RASSF5: variants seen among roughly 807,000 people sequenced by gnomAD.
RASSF5 encodes ras association domain-containing protein 5.
In RASSF5, 25 loss-of-function variants were observed where a neutral mutation model predicts 40.5. The observed-to-expected ratio is 0.62, with a 90% CI of 0.45 to 0.86. The LOEUF is 0.86. RASSF5 is among the 40% of genes least tolerant of loss of function. RASSF5 has a pLI of 0.00. For missense variants in RASSF5, 521 were observed against 572.8 expected (o/e 0.91, Z 0.92); for synonymous variants, 246 against 252.4 (o/e 0.97, Z 0.24).
intron 2 of RASSF5, chr1:206,581,021 C>G (rs1435738379): frequency 6.6e-6 from 1 of 152,200 alleles, no homozygotes; most frequent in African/African-American, 2.4e-5. Context: ...GCCCCTTCAG[C>G]AAAAGATGCC....
chr1:206,524,523 G>A lies in RASSF5; in HGVS notation c.458-13649G>A, dbSNP rs782034861. On this transcript the variant is annotated intron_variant, in intron 1 of 5. Coordinates refer to ENST00000579436, the MANE Select transcript of RASSF5 (RefSeq NM_182663.4). ...GAGTCTTGCTCTGTCATCCAGGCTGGAGTGCATATATGTTTATATATAAAA... is the reference window on the plus strand; with the variant it reads ...GAGTCTTGCTCTGTCATCCAGGCTGAAGTGCATATATGTTTATATATAAAA... 1.0e-3 allele frequency among the ~76,000 whole-genome samples: 105 copies of A among 105,334 alleles called. No homozygotes were observed. In the Middle Eastern group the frequency reaches 0.022, roughly 22 times the overall value. The allele number at this position is 105,334 out of a possible 152,430, so 69.1% of individuals were successfully genotyped here. A position where few individuals can be genotyped will look rare whatever the true frequency, so the allele number is the denominator to read the frequency against.
Position 206,520,895 on chromosome 1 carries a change from T to C in RASSF5, c.457+12836T>C, listed in dbSNP as rs150492896. Among the ~76,000 whole-genome samples, 145 of 152,272 alleles carry C rather than the reference T, an allele frequency of 9.5e-4. 1 individual carries two copies. The highest frequency in any genetic ancestry group is 3.1e-3 in the African/African-American group (127 of 41,550). ...TTTCATAACTGCTCCCCGTGGGTCA[T>C]TGGGACAAGCCTGCAGCACGGCTGT... On this transcript the variant is annotated intron_variant, in intron 1 of 5. Coordinates refer to ENST00000579436, the MANE Select transcript of RASSF5 (RefSeq NM_182663.4).
At chr1:206,565,312 G>A (rs1429708898) in intron 2 of RASSF5, among the ~76,000 whole-genome samples, 1 of 152,148 alleles carries the variant, frequency 6.6e-6, no homozygotes, top group Non-Finnish European at 1.5e-5. Flanking sequence ...TTTCAATCCT[G>A]TGTTTTCCCC....
In RASSF5 at chr1:206,586,964, G is replaced by T; in HGVS notation, c.1243G>T (p.Gly415Cys). Residue 415 changes from glycine to cysteine, a missense_variant, in exon 6 of 6, where the codon GGC (glycine) becomes TGC (cysteine). Gly to Cys is a radical substitution (Grantham distance 159). Transcript: ENST00000579436. Reference sequence around the variant, plus strand: ...GGAGGAGGCCTTAAGAGAATCCCAGGGCAAACCTGGGTAACCGGTCCTGCT... The same window carrying T: ...GGAGGAGGCCTTAAGAGAATCCCAGTGCAAACCTGGGTAACCGGTCCTGCT... ...KLEEALRESQ[G>C]KPG 6.2e-7 allele frequency: 1 copy of T among 1,614,068 alleles called. No individual in the cohort carries two copies. Among genetic ancestry groups the T allele is most frequent in the East Asian group, 2.2e-5 (1 of 44,886 alleles).
intron 2 of RASSF5, among the ~76,000 whole-genome samples, chr1:206,563,743 T>C (rs954989407): frequency 6.6e-6 from 1 of 152,332 alleles, no homozygotes; most frequent in East Asian, 1.9e-4. Context: ...CTTACCCCAA[T>C]TGGAATGCAA....
Position 206,511,365 on chromosome 1 carries a change from G to A in RASSF5, c.457+3306G>A, listed in dbSNP as rs1332444982. ...TCAGGGACTTCCCCTTACAGATGACGTCCCTTAGTGTTCCTTCTGTAGAAG... is the reference window on the plus strand; with the variant it reads ...TCAGGGACTTCCCCTTACAGATGACATCCCTTAGTGTTCCTTCTGTAGAAG... On this transcript the variant is annotated intron_variant, in intron 1 of 5. Transcript: ENST00000579436. Among the ~76,000 whole-genome samples, 5 of 152,308 alleles carry A rather than the reference G, an allele frequency of 3.3e-5. No homozygotes were observed. The East Asian group carries it at 5.8e-4, about 18-fold the overall frequency.
At chr1:206,586,553 A>T in intron 5 of RASSF5, 1 of 313,120 alleles carries the variant, frequency 3.2e-6, no homozygotes, top group East Asian at 7.5e-5. Context: ...CGGCTGCTAC[A>T]CAGAAACTTA....
At chr1:206,578,716 C>T (rs1668752799) in intron 2 of RASSF5, among the ~76,000 whole-genome samples, 1 of 152,180 alleles carries the variant, frequency 6.6e-6, no homozygotes, top group South Asian at 2.1e-4. Flanking sequence ...TCAGCCCACC[C>T]TCATCCTGGG....
At chr1:206,523,721 AT>A (rs1202801452) in intron 1 of RASSF5, among the ~76,000 whole-genome samples, 1 of 51,794 alleles carries the variant, frequency 1.9e-5, no homozygotes, top group African/African-American at 9.7e-5. Flanking sequence ...TATACAATAT[AT>A]TTATATATTA....
At chr1:206,578,658 C>T (rs782705933) in intron 2 of RASSF5, among the ~76,000 whole-genome samples, 3 of 152,102 alleles carry the variant, frequency 2.0e-5, no homozygotes, top group East Asian at 1.9e-4. Context: ...AAAGTAGGCA[C>T]GGATGTATAT....
chr1:206,553,670 A>T (rs1358846703), intron 2 of RASSF5, among the ~76,000 whole-genome samples: 2 of 152,218 alleles, frequency 1.3e-5, no homozygotes, highest in Non-Finnish European at 2.9e-5. Context: ...TACCAGTGGC[A>T]TAGGTGAGAC....
rs1342035069 is a variant in RASSF5 at position 206,513,569 on chromosome 1, G to A, written c.457+5510G>A. Among the ~76,000 whole-genome samples, 1 of 152,224 alleles carries A rather than the reference G, an allele frequency of 6.6e-6. No individual in the cohort carries two copies. The highest frequency in any genetic ancestry group is 1.5e-5 in the Non-Finnish European group (1 of 68,040). On this transcript the variant is annotated intron_variant, in intron 1 of 5. Transcript: ENST00000579436. The surrounding 1 kb of genome is among the most constrained non-coding windows in gnomAD (Gnocchi z 5.0). ...TGCAGGGTCTCGCTCTGTCTCTGCTGACTCTGGGCACCTGCCCCTCCCGCA... is the reference window on the plus strand; with the variant it reads ...TGCAGGGTCTCGCTCTGTCTCTGCTAACTCTGGGCACCTGCCCCTCCCGCA...
At chr1:206,583,400 A>T in intron 3 of RASSF5, 21 bp downstream of exon 3, 1 of 1,534,490 alleles carries the variant, frequency 6.5e-7, no homozygotes, top group Non-Finnish European at 9.0e-7. Flanking sequence ...GTCCACCCTC[A>T]ACCTGGCCCC....
At chr1:206,525,951 C>T (rs1667086541) in intron 1 of RASSF5, among the ~76,000 whole-genome samples, 1 of 152,148 alleles carries the variant, frequency 6.6e-6, no homozygotes, top group African/African-American at 2.4e-5. Flanking sequence ...TCCTGTGCCT[C>T]AGTTCAGCAG....
At position 206,577,903 on chromosome 1, in the gene RASSF5, C is replaced by T. The variant is rs557368652; in HGVS notation, c.580-5366C>T. On this transcript the variant is annotated intron_variant, in intron 2 of 5. Coordinates refer to ENST00000579436, the MANE Select transcript of RASSF5 (RefSeq NM_182663.4). Reference sequence around the variant, plus strand: ...AGCTTTAGTCTAGTTGGGAAGAAGACCTGAGATGGATGAGTCTACTTGGAG... The same window carrying T: ...AGCTTTAGTCTAGTTGGGAAGAAGATCTGAGATGGATGAGTCTACTTGGAG... Among the ~76,000 whole-genome samples, 363 of 152,208 alleles carry T rather than the reference C, an allele frequency of 2.4e-3. 1 individual carries two copies. The highest frequency in any genetic ancestry group is 3.6e-3 in the Non-Finnish European group (247 of 68,010).
At chr1:206,562,668 C>T (rs1310040615) in intron 2 of RASSF5, among the ~76,000 whole-genome samples, 1 of 152,114 alleles carries the variant, frequency 6.6e-6, no homozygotes, top group East Asian at 1.9e-4. Flanking sequence ...CGTGGTGGCT[C>T]ATGCCTGTAA....
rs1029807960 is a variant in RASSF5 at position 206,538,410 on chromosome 1, A to G, written c.579+117A>G. ...GGTGGCATGAGGCCTCAGATTCCAC[A>G]TGCACTGGATGGAGTTCACAGACAC... On this transcript the variant is annotated intron_variant, in intron 2 of 5. Transcript: ENST00000579436. 4.5e-6 allele frequency: 6 copies of G among 1,347,952 alleles called. No homozygotes were observed. The African/African-American group carries it at 7.2e-5, about 16-fold the overall frequency. The allele number at this position is 1,347,952 out of a possible 1,614,324, so 83.5% of individuals were successfully genotyped here. A position where few individuals can be genotyped will look rare whatever the true frequency, so the allele number is the denominator to read the frequency against.
chr1:206,547,995 A>G (rs1667740216), intron 2 of RASSF5, among the ~76,000 whole-genome samples: 1 of 152,082 alleles, frequency 6.6e-6, no homozygotes, highest in Non-Finnish European at 1.5e-5. Flanking sequence ...AAAAAGTTCT[A>G]ATTTCACCTT....
At chr1:206,577,601 T>C (rs1668702841) in intron 2 of RASSF5, among the ~76,000 whole-genome samples, 1 of 152,226 alleles carries the variant, frequency 6.6e-6, no homozygotes, top group Non-Finnish European at 1.5e-5. Context: ...GTGTTCATCC[T>C]GCAGGTACTT....
Sources: allele counts gnomAD v4.1 joint callset (sites outside exome capture counted in the v4.1 genomes callset), GRCh38; gene constraint gnomAD v4.1.1; non-coding constraint Gnocchi (gnomAD v3.1); transcripts MANE v1.5; gene names NCBI Gene and HGNC (gene_info 2026-07-23, HGNC 2026-07-21).